Variants in GSAP observed in about 807,000 individuals in gnomAD.
GSAP encodes gamma-secretase activating protein.
A neutral mutation model predicts 131.7 loss-of-function variants in GSAP; 118 were observed. That is an observed-to-expected ratio of 0.90 (90% CI 0.77 to 1.04). GSAP has a LOEUF of 1.04. Ranked by LOEUF, GSAP falls within the 50% of genes least tolerant of loss-of-function variation. The pLI is 0.00. For synonymous variants in GSAP, 381 were observed against 363.4 expected (o/e 1.05, Z -0.55); for missense variants, 1,019 against 1,013.2 (o/e 1.01, Z -0.08).
rs190423125 is a variant in GSAP at position 77,406,696 on chromosome 7, T to C, written c.110-591A>G. On this transcript the variant is annotated intron_variant, in intron 1 of 30. Coordinates refer to ENST00000257626, the MANE Select transcript of GSAP (RefSeq NM_017439.4). ...ATGTCCCTGGTCTATTTTCTCCCCA[T>C]GGAATGGTGCCATTAGCCAAGGGTC... Among the ~76,000 whole-genome samples, 5 of 152,308 alleles carry C rather than the reference T, an allele frequency of 3.3e-5. No homozygotes were observed. In the East Asian group the frequency reaches 9.6e-4, roughly 29 times the overall value.
At chr7:77,323,773 C>A in intron 23 of GSAP, 31 bp from the exon 24 acceptor site, 2 of 1,036,816 alleles carry the variant, frequency 1.9e-6, no homozygotes, top group Non-Finnish European at 3.0e-6. Flanking sequence ...AAATAAGTCA[C>A]AGCCTACCCA....
chr7:77,347,108 G>A (rs1037838661), intron 19 of GSAP, among the ~76,000 whole-genome samples: 2 of 152,054 alleles, frequency 1.3e-5, no homozygotes, highest in Admixed American at 6.6e-5. Context: ...GGAGGGTGGT[G>A]AATCGAAAGA....
chr7:77,407,477 TATC>T (rs1467435639), intron 1 of GSAP, among the ~76,000 whole-genome samples: 1 of 152,226 alleles, frequency 6.6e-6, no homozygotes, highest in Non-Finnish European at 1.5e-5. Flanking sequence ...GGTTGATATT[TATC>T]ATATTACTAT....
chr7:77,371,457 CAG>C (rs1796114888), intron 12 of GSAP, among the ~76,000 whole-genome samples: 7 of 137,732 alleles, frequency 5.1e-5, no homozygotes, highest in East Asian at 2.2e-4. Flanking sequence ...TTTTTTAAGA[CAG>C]AGTCTTGCTC....
rs770888030 is a variant in GSAP at position 77,311,021 on chromosome 7, T to G, written c.*337A>C. 3 of 194,266 alleles carry G rather than the reference T, an allele frequency of 1.5e-5. No individual in the cohort carries two copies. Among genetic ancestry groups the G allele is most frequent in the Non-Finnish European group, 3.2e-5 (3 of 94,482 alleles). 12.0% of individuals were successfully genotyped at this position (194,266 alleles called of 1,614,324 possible). ...ACCTAGTTTTTGCTTTTCTAAGCAC[T>G]GTTCCCTACATTTTTAAAGCATATT... On this transcript the variant is annotated 3_prime_UTR_variant, in exon 31 of 31. Transcript: ENST00000257626.
At chr7:77,330,487 C>T in intron 19 of GSAP, 120 bp from the exon 20 acceptor site, 2 of 1,400,518 alleles carry the variant, frequency 1.4e-6, no homozygotes, top group Non-Finnish European at 9.3e-7. Context: ...TGAGTGAATA[C>T]TTTGTACAGA....
chr7:77,350,853 A>G (rs1172798038), intron 18 of GSAP, among the ~76,000 whole-genome samples: 1 of 152,252 alleles, frequency 6.6e-6, no homozygotes, highest in Non-Finnish European at 1.5e-5. Context: ...TGAGTGTTAA[A>G]ACAGAAATTT....
intron 1 of GSAP, among the ~76,000 whole-genome samples, chr7:77,408,391 A>G (rs1361135154): frequency 2.0e-5 from 3 of 152,124 alleles, no homozygotes; most frequent in South Asian, 2.1e-4. Context: ...TACTTTCCCA[A>G]TTTCCTCAAA....
intron 5 of GSAP, among the ~76,000 whole-genome samples, chr7:77,389,236 G>A (rs1216716690): frequency 1.3e-5 from 2 of 151,778 alleles, no homozygotes; most frequent in Admixed American, 1.3e-4. Context: ...GTGTGTGTAT[G>A]TATGTGTGTG....
intron 17 of GSAP, 147 bp from the exon 18 acceptor site, chr7:77,353,173 T>C (rs568082181): frequency 2.5e-4 from 152 of 599,374 alleles, no homozygotes; most frequent in Non-Finnish European, 3.9e-4. Context: ...CATGATTTTA[T>C]CTACTGACTA....
intron 14 of GSAP, among the ~76,000 whole-genome samples, chr7:77,360,190 T>C (rs1257790074): frequency 6.6e-6 from 1 of 152,208 alleles, no homozygotes; most frequent in Non-Finnish European, 1.5e-5. Context: ...CCATATGCCA[T>C]GTTCCATATG....
chr7:77,376,769 C>T, intron 10 of GSAP, 79 bp downstream of exon 10: 1 of 688,940 alleles, frequency 1.5e-6, no homozygotes, highest in Non-Finnish European at 2.4e-6. Context: ...GAGTGAGACT[C>T]CATCTCAAAA....
chr7:77,324,044 T>C (rs1236707875), intron 23 of GSAP, among the ~76,000 whole-genome samples: 8 of 152,154 alleles, frequency 5.3e-5, no homozygotes, highest in African/African-American at 1.7e-4. Flanking sequence ...AACTTAGAAG[T>C]CACAGGCTTT....
intron 19 of GSAP, among the ~76,000 whole-genome samples, chr7:77,341,767 T>A (rs900216658): frequency 2.6e-5 from 4 of 152,244 alleles, no homozygotes; most frequent in African/African-American, 7.2e-5. Context: ...TCAAACCCCA[T>A]AACAGGACTT....
At chr7:77,374,715 C>T (rs984886263) in intron 11 of GSAP, among the ~76,000 whole-genome samples, 2 of 151,494 alleles carry the variant, frequency 1.3e-5, no homozygotes, top group Non-Finnish European at 2.9e-5. Flanking sequence ...TCTTTGATGT[C>T]AACAAAAAGG....
chr7:77,385,385 A>G (rs1490377011), intron 6 of GSAP, among the ~76,000 whole-genome samples: 1 of 152,194 alleles, frequency 6.6e-6, no homozygotes, highest in Non-Finnish European at 1.5e-5. Context: ...TACCATTTTA[A>G]CCACTTTAAT....
chr7:77,410,971 A>G (rs188544752), intron 1 of GSAP, among the ~76,000 whole-genome samples: 119 of 152,200 alleles, frequency 7.8e-4, no homozygotes, highest in African/African-American at 2.8e-3. Context: ...TGCAGTAAAC[A>G]TTATGTGATT....
At chr7:77,329,182 G>C (rs144898126) in intron 21 of GSAP, 151 bp downstream of exon 21, 356 of 475,186 alleles carry the variant, frequency 7.5e-4, no homozygotes, top group African/African-American at 6.5e-3. Flanking sequence ...CCAGAATAGG[G>C]TCCAAGTGGC....
intron 6 of GSAP, 126 bp downstream of exon 6, chr7:77,387,234 T>C: frequency 2.0e-6 from 1 of 509,940 alleles, no homozygotes. Flanking sequence ...CTTCCAGCCA[T>C]AGTAGTCTAC....
Sources: gnomAD v4.1 joint callset for allele counts (sites outside exome capture counted in the v4.1 genomes callset) on GRCh38, gnomAD v4.1.1 for gene constraint, MANE v1.5 for transcripts, NCBI Gene and HGNC (gene_info 2026-07-23, HGNC 2026-07-21) for gene names.